The following SLC25A29 variants were observed in gnomAD, a reference collection of about 807,000 sequenced individuals.
SLC25A29 encodes mitochondrial basic amino acids transporter.
SLC25A29 carries 13 observed loss-of-function variants against 10.0 expected under a neutral mutation model. That is an observed-to-expected ratio of 1.30 (90% CI 0.85 to 2.07). The LOEUF (loss-of-function observed/expected upper bound fraction) is 2.07. SLC25A29 is among the 30% of genes most tolerant of loss of function. The probability of loss-of-function intolerance (pLI) is 0.00; values close to 1 mark genes in which losing one functional copy is unlikely to be tolerated. For missense variants in SLC25A29, 475 were observed against 447.6 expected (o/e 1.06, Z -0.55); for synonymous variants, 244 against 221.1 (o/e 1.10, Z -0.92).
chr14:100,301,248 G>A (rs1036044028), intron 1 of SLC25A29, among the ~76,000 whole-genome samples: 1 of 150,548 alleles, frequency 6.6e-6, no homozygotes, highest in Admixed American at 6.7e-5. Flanking sequence ...GCGCGATCTG[G>A]GCTGACTGCA....
the SLC25A29 span, among the ~76,000 whole-genome samples, chr14:100,283,483 CT>C: frequency 0.058 from 7,475 of 128,538 alleles, 287 homozygotes; most frequent in Non-Finnish European, 0.085. Flanking sequence ...TTTGGAATTG[CT>C]TTTTTTTTTT....
At chr14:100,293,191 T>G in intron 3 of SLC25A29, 103 bp downstream of exon 3, 1 of 1,490,668 alleles carries the variant, frequency 6.7e-7, no homozygotes, top group Non-Finnish European at 9.1e-7. Flanking sequence ...CTCCTGGTCG[T>G]CCTGACACCT....
chr14:100,295,667 G>A (rs1268022866), intron 2 of SLC25A29: 2 of 1,289,434 alleles, frequency 1.6e-6, no homozygotes, highest in Non-Finnish European at 1.0e-6. Flanking sequence ...CTACAACAAA[G>A]TTACACTTTT....
At position 100,293,259 on chromosome 14, in the gene SLC25A29, G is replaced by GT. The variant is rs771032873; in HGVS notation, c.162+34dup. On this transcript the variant is annotated intron_variant, in intron 3 of 3. Coordinates refer to ENST00000359232, the MANE Select transcript of SLC25A29 (RefSeq NM_001039355.3). ...AGCCCGGAAGCTAGTTCCCCATCCT[G>GT]TGCCTCCCGAGCCCCACCAGCCCAG... is the stretch of plus-strand genomic sequence containing the variant. 52 of 1,605,544 alleles carry GT rather than the reference G, an allele frequency of 3.2e-5. No homozygotes were observed. In the East Asian group the frequency reaches 1.1e-3, roughly 34 times the overall value.
At position 100,306,328 on chromosome 14, in the gene SLC25A29, C is replaced by T. The variant is rs1006419093; in HGVS notation, c.-96G>A. ...GTCGGGGTCCCCGAGCGCGCGGTGC[C>T]GGGGCTGGGCCTGGCCGCTCCTCCT... On this transcript the variant is annotated 5_prime_UTR_variant, in exon 1 of 4. Coordinates refer to ENST00000359232, the MANE Select transcript of SLC25A29 (RefSeq NM_001039355.3). 7.9e-5 allele frequency: 96 copies of T among 1,217,480 alleles called. 1 individual carries two copies. The African/African-American group carries it at 1.4e-3, about 17-fold the overall frequency. The allele number at this position is 1,217,480 out of a possible 1,614,324, so 75.4% of individuals were successfully genotyped here.
At chr14:100,278,787 G>T in the SLC25A29 span, 1 of 152,240 alleles carries the variant, frequency 6.6e-6, no homozygotes, top group African/African-American at 2.4e-5. Flanking sequence ...CTGTACCACC[G>T]CGCAGGCTGA....
At chr14:100,279,671 T>C in the SLC25A29 span, 1 of 152,328 alleles carries the variant, frequency 6.6e-6, no homozygotes, top group Non-Finnish European at 1.5e-5. Flanking sequence ...GGCAGCGTCT[T>C]CTATGGATGC....
Position 100,292,236 on chromosome 14 carries a change from C to A in SLC25A29, c.*47G>T. 2 of 1,527,842 alleles carry A rather than the reference C, an allele frequency of 1.3e-6. No homozygotes were observed. The highest frequency in any genetic ancestry group is 1.8e-6 in the Non-Finnish European group (2 of 1,139,182). The allele number at this position is 1,527,842 out of a possible 1,614,324, so 94.6% of individuals were successfully genotyped here. On this transcript the variant is annotated 3_prime_UTR_variant, in exon 4 of 4. Coordinates refer to ENST00000359232, the MANE Select transcript of SLC25A29 (RefSeq NM_001039355.3). ...AATCGACTCAGGGGCCAATTTATGT[C>A]CCAGGTTTCTGAGAAGGAGCCCTGG...
chr14:100,295,715 G>C, intron 2 of SLC25A29: 1 of 1,289,558 alleles, frequency 7.8e-7, no homozygotes, highest in Non-Finnish European at 1.0e-6. Flanking sequence ...AGAAAGTAAA[G>C]GCGGTTAAAG....
intron 1 of SLC25A29, among the ~76,000 whole-genome samples, chr14:100,304,414 C>G (rs1366766194): frequency 6.6e-6 from 1 of 152,240 alleles, no homozygotes; most frequent in African/African-American, 2.4e-5. Flanking sequence ...TTTAGTACCC[C>G]CACCTCTCTG....
chr14:100,300,827 T>C (rs1892490642), intron 1 of SLC25A29, among the ~76,000 whole-genome samples: 1 of 152,254 alleles, frequency 6.6e-6, no homozygotes, highest in African/African-American at 2.4e-5. Flanking sequence ...TTATTTTATG[T>C]AAATGGTTTA....
downstream of SLC25A29, among the ~76,000 whole-genome samples, chr14:100,287,223 A>G (rs1293915547): frequency 6.6e-6 from 1 of 152,288 alleles, no homozygotes; most frequent in Non-Finnish European, 1.5e-5. Flanking sequence ...AGGGATCAAA[A>G]GAAAAGGGAA....
chr14:100,301,235 G>A lies in SLC25A29; in HGVS notation c.35-2350C>T, dbSNP rs183076469. Among the ~76,000 whole-genome samples the A allele has an allele frequency of 1.5e-4, 23 of 151,694 alleles. No individual in the cohort carries two copies. In the East Asian group the frequency reaches 3.1e-3, roughly 21 times the overall value. ...TTTTTTTGAGAGTCTTGCTAGTGCC[G>A]TTGCGCGATCTGGGCTGACTGCAAC... On this transcript the variant is annotated intron_variant, in intron 1 of 3. Transcript: ENST00000359232.
chr14:100,299,478 T>C (rs1394275831), intron 1 of SLC25A29: 1 of 987,734 alleles, frequency 1.0e-6, no homozygotes, highest in Non-Finnish European at 1.2e-6. Context: ...CACTGGCTGA[T>C]ACCTCCGTCC....
At chr14:100,299,539 T>C in intron 1 of SLC25A29, 1 of 986,164 alleles carries the variant, frequency 1.0e-6, no homozygotes, top group Non-Finnish European at 1.2e-6. Context: ...CTTGTGACTG[T>C]GCGGTCATCC....
chr14:100,284,296 A>T, the SLC25A29 span, among the ~76,000 whole-genome samples: 2 of 152,098 alleles, frequency 1.3e-5, no homozygotes, highest in Non-Finnish European at 2.9e-5. Context: ...GGAGCAGTGC[A>T]TCGGCCTCCC....
rs1375307470 is a variant in SLC25A29, at chr14:100,292,209, G to A, written c.*74C>T. 4.0e-6 allele frequency: 6 copies of A among 1,503,514 alleles called. No individual in the cohort carries two copies. In the East Asian group the frequency reaches 7.7e-5, roughly 19 times the overall value. 93.1% of individuals were successfully genotyped at this position (1,503,514 alleles called of 1,614,324 possible). ...TCGCAGCATCCCAGCAGGAAGCAGG[G>A]CAATCGACTCAGGGGCCAATTTATG... On this transcript the variant is annotated 3_prime_UTR_variant, in exon 4 of 4. Coordinates refer to ENST00000359232, the MANE Select transcript of SLC25A29 (RefSeq NM_001039355.3).
At chr14:100,289,504 G>A (rs940362462), downstream of SLC25A29, among the ~76,000 whole-genome samples, 2 of 152,172 alleles carry the variant, frequency 1.3e-5, no homozygotes, top group East Asian at 3.8e-4. Context: ...GATTCTGGTA[G>A]TATTTTTAGT....
At chr14:100,295,632 T>A (rs1265717071) in intron 2 of SLC25A29, 1 of 1,289,232 alleles carries the variant, frequency 7.8e-7, no homozygotes, top group African/African-American at 1.5e-5. Flanking sequence ...TTACTAGCGC[T>A]CTCCAGGGTG....
Sources: allele counts gnomAD v4.1 joint callset (sites outside exome capture counted in the v4.1 genomes callset), GRCh38; gene constraint gnomAD v4.1.1; transcripts MANE v1.5; gene names NCBI Gene and HGNC (gene_info 2026-07-23, HGNC 2026-07-21).